FSTL4: variants seen among roughly 807,000 people sequenced by gnomAD.
The protein encoded by FSTL4 is follistatin-related protein 4.
FSTL4 carries 28 observed loss-of-function variants against 78.2 expected under a neutral mutation model. The observed-to-expected ratio is 0.36, with a 90% CI of 0.27 to 0.49. The LOEUF (loss-of-function observed/expected upper bound fraction) is 0.49, where lower values mean the gene tolerates loss of function less well. Ranked by LOEUF, FSTL4 falls within the 20% of genes least tolerant of loss-of-function variation. The pLI is 0.98. For missense variants in FSTL4, 922 were observed against 1,084.9 expected (o/e 0.85, Z 2.11); for synonymous variants, 422 against 440.5 (o/e 0.96, Z 0.53).
chr5:133,669,237 C>T, the FSTL4 span, among the ~76,000 whole-genome samples: 4 of 152,168 alleles, frequency 2.6e-5, no homozygotes, highest in African/African-American at 4.8e-5. Flanking sequence ...GGGTCAGCTA[C>T]GGAGACCCAG....
intron 4 of FSTL4, among the ~76,000 whole-genome samples, chr5:133,352,237 C>CACATATATATACACACAT (rs1754839148): frequency 7.0e-6 from 1 of 143,262 alleles, no homozygotes. Context: ...TTCTCACACA[C>CACATATATATACACACAT]ATATATATAT....
intron 3 of FSTL4, among the ~76,000 whole-genome samples, chr5:133,518,583 A>T (rs1300441669): frequency 6.6e-6 from 1 of 152,020 alleles, no homozygotes; most frequent in Non-Finnish European, 1.5e-5. Flanking sequence ...AGTTCTAAAG[A>T]TCTGAAACTC....
intron 3 of FSTL4, among the ~76,000 whole-genome samples, chr5:133,518,334 A>G (rs1215805101): frequency 1.3e-5 from 2 of 152,252 alleles, no homozygotes; most frequent in Non-Finnish European, 2.9e-5. Flanking sequence ...GACAAGGAGT[A>G]GTCAAACTAC....
chr5:133,713,098 C>T, the FSTL4 span, among the ~76,000 whole-genome samples: 16 of 151,994 alleles, frequency 1.1e-4, no homozygotes, highest in Admixed American at 3.3e-4. Flanking sequence ...GAAACAGAGC[C>T]ACAGCAAATC....
the FSTL4 span, among the ~76,000 whole-genome samples, chr5:133,746,408 A>G: frequency 7.5e-6 from 1 of 132,568 alleles, no homozygotes; most frequent in Non-Finnish European, 1.6e-5. Flanking sequence ...ATTTCTTAGG[A>G]AGGAAAACTG....
Position 133,199,967 on chromosome 5 carries a change from A to G in FSTL4, c.1827-170T>C, listed in dbSNP as rs3749816. ...CAGGGGATGTCTTCATAAACAAATA[A>G]TCTATGATCTCAATCCAAACGCAGT... On this transcript the variant is annotated intron_variant, in intron 15 of 15. Coordinates refer to ENST00000265342, the MANE Select transcript of FSTL4 (RefSeq NM_015082.2). The surrounding 1 kb of genome is among the most constrained non-coding windows in gnomAD (Gnocchi z 4.4). 0.31 allele frequency among the ~76,000 whole-genome samples: 47,059 copies of G among 152,160 alleles called. 8,543 individuals carry two copies. The highest frequency in any genetic ancestry group is 0.43 in the East Asian group (2,245 of 5,174).
the FSTL4 span, among the ~76,000 whole-genome samples, chr5:133,728,375 G>A: frequency 1.3e-5 from 2 of 152,174 alleles, no homozygotes; most frequent in Non-Finnish European, 2.9e-5. Context: ...AGTACGCCTG[G>A]AGATCTGTGT....
Position 133,361,639 on chromosome 5 carries a change from A to G in FSTL4, c.409+39099T>C, listed in dbSNP as rs1289432209. Among the ~76,000 whole-genome samples the G allele has an allele frequency of 6.6e-6, 1 of 152,226 alleles. No individual in the cohort carries two copies. Among genetic ancestry groups the G allele is most frequent in the Non-Finnish European group, 1.5e-5 (1 of 68,032 alleles). The stretch of plus-strand genomic sequence containing the variant: ...GACTGGGAATGTATAGCCATGAGGA[A>G]ACCCAAAGGAGGTGTCAAATGCCTT... On this transcript the variant is annotated intron_variant, in intron 4 of 15. Coordinates refer to ENST00000265342, the MANE Select transcript of FSTL4 (RefSeq NM_015082.2). The surrounding 1 kb of genome is among the most constrained non-coding windows in gnomAD (Gnocchi z 4.3).
intron 7 of FSTL4, among the ~76,000 whole-genome samples, chr5:133,245,376 C>A (rs1752010842): frequency 6.6e-6 from 1 of 152,238 alleles, no homozygotes; most frequent in South Asian, 2.1e-4. Context: ...CAGACTCTTG[C>A]AGCACACACA....
the FSTL4 span, among the ~76,000 whole-genome samples, chr5:133,765,495 C>G: frequency 6.6e-6 from 1 of 152,224 alleles, no homozygotes; most frequent in South Asian, 2.1e-4. Context: ...CAGCAAGGGA[C>G]ACCTCACTGA....
rs539713057 is a variant in FSTL4 at position 133,262,978 on chromosome 5, G to A, written c.728-13402C>T. On this transcript the variant is annotated intron_variant, in intron 6 of 15. Transcript: ENST00000265342. ...GAGGAGGCTGCCACCCAGGCATGGC[G>A]CTCTGGACCGAGCATGGCTCTGAGA... Among the ~76,000 whole-genome samples the A allele has an allele frequency of 3.3e-4, 51 of 152,248 alleles. 1 individual carries two copies. In the South Asian group the frequency reaches 0.01, roughly 31 times the overall value.
In FSTL4 at chr5:133,444,041, G is replaced by A. The variant is rs1338209048; in HGVS notation, c.161-43055C>T. On this transcript the variant is annotated intron_variant, in intron 3 of 15. Transcript: ENST00000265342. ...TCCTCCTGGGCACTTGTGCTGGGCT[G>A]CAGTTGCTCACCCACCATGGCACAT... 3.9e-5 allele frequency among the ~76,000 whole-genome samples: 6 copies of A among 152,274 alleles called. No individual in the cohort carries two copies. In the East Asian group the frequency reaches 7.7e-4, roughly 20 times the overall value.
chr5:133,230,573 G>GT (rs1751463529), intron 8 of FSTL4, among the ~76,000 whole-genome samples: 1 of 152,176 alleles, frequency 6.6e-6, no homozygotes, highest in Admixed American at 6.5e-5. Flanking sequence ...TGGTCTTGAG[G>GT]TTTTTTTGAG....
chr5:133,296,351 T>G (rs1445643512), intron 6 of FSTL4, among the ~76,000 whole-genome samples: 1 of 152,222 alleles, frequency 6.6e-6, no homozygotes, highest in Non-Finnish European at 1.5e-5. Flanking sequence ...CCTGTAACAG[T>G]CTTTTCTCAA....
intron 6 of FSTL4, among the ~76,000 whole-genome samples, chr5:133,310,867 C>T (rs966383551): frequency 1.4e-4 from 22 of 152,114 alleles, no homozygotes; most frequent in African/African-American, 2.7e-4. Context: ...CCTAGCTGCT[C>T]GAGCCTACTG....
At chr5:133,754,807 T>C in the FSTL4 span, among the ~76,000 whole-genome samples, 1 of 152,172 alleles carries the variant, frequency 6.6e-6, no homozygotes, top group Non-Finnish European at 1.5e-5. Context: ...GATTCTGCTC[T>C]AACTCTAGAG....
intron 4 of FSTL4, among the ~76,000 whole-genome samples, chr5:133,350,615 A>C (rs542373907): frequency 6.6e-6 from 1 of 152,376 alleles, no homozygotes; most frequent in East Asian, 1.9e-4. Context: ...ATAATGGATT[A>C]AACAAATGAT....
intron 6 of FSTL4, among the ~76,000 whole-genome samples, chr5:133,303,338 T>C (rs1452368012): frequency 6.6e-6 from 1 of 152,208 alleles, no homozygotes; most frequent in East Asian, 1.9e-4. Context: ...AAATCTCAGA[T>C]GGGGCACTGG....
At chr5:133,745,078 G>C in the FSTL4 span, among the ~76,000 whole-genome samples, 1 of 152,196 alleles carries the variant, frequency 6.6e-6, no homozygotes, top group Non-Finnish European at 1.5e-5. Context: ...ATGACATCCT[G>C]TCAGAAACCA....
Sources: allele counts gnomAD v4.1 joint callset (sites outside exome capture counted in the v4.1 genomes callset), GRCh38; gene constraint gnomAD v4.1.1; non-coding constraint Gnocchi (gnomAD v3.1); transcripts MANE v1.5; gene names NCBI Gene and HGNC (gene_info 2026-07-23, HGNC 2026-07-21).